PSG6: variants seen among roughly 807,000 people sequenced by gnomAD.
PSG6 encodes pregnancy specific beta-1-glycoprotein 6.
PSG6 carries 51 observed loss-of-function variants against 43.3 expected under a neutral mutation model. The observed-to-expected ratio is 1.18, with a 90% CI of 0.94 to 1.49. The LOEUF (loss-of-function observed/expected upper bound fraction) is 1.49. Ranked by LOEUF, PSG6 falls within the 40% of genes most tolerant of loss-of-function variation. The probability of loss-of-function intolerance (pLI) is 0.00; values close to 1 mark genes in which losing one functional copy is unlikely to be tolerated. For synonymous variants in PSG6, 292 were observed against 197.6 expected (o/e 1.48, Z -4.01); for missense variants, 770 against 522.2 (o/e 1.47, Z -4.62).
chr19:42,910,223 A>T, intron 3 of PSG6: 1 of 439,830 alleles, frequency 2.3e-6, no homozygotes, highest in Non-Finnish European at 4.2e-6. Context: ...AGGGAAGGGA[A>T]AATCCTGGTC....
chr19:42,906,942 G>T lies in PSG6; in HGVS notation c.1220C>A (p.Ser407Tyr). The T allele has an allele frequency of 6.2e-7, 1 of 1,612,324 alleles. No homozygotes were observed. Among genetic ancestry groups the T allele is most frequent in the Non-Finnish European group, 8.5e-7 (1 of 1,179,076 alleles). Residue 407 changes from serine to tyrosine, a missense_variant, in exon 5 of 6, where the codon TCC becomes TAC. Transcript: ENST00000187910. ...NSATGKEISK[S>Y]MIVKVSGPCH... is the part of the protein sequence containing the mutation. ...CTTACCAGAGACTTTGACTATCATG[G>T]ATTTGGAGATTTCCTTGCCAGTGGC...
intron 2 of PSG6, among the ~76,000 whole-genome samples, chr19:42,911,543 G>A (rs1306785669): frequency 6.6e-6 from 1 of 151,820 alleles, no homozygotes; most frequent in East Asian, 1.9e-4. Flanking sequence ...AAAGGGACAG[G>A]CAAGAGCTGA....
rs1422129823 is a variant in PSG6 at position 42,916,377 on chromosome 19, G to T, written c.175C>A (p.Pro59Thr). ...CAGATGTAGCCAGTAAGATTCTGGG[G>T]CAAATTGTGGACAAGTAGAAGAACA... ...KDVLLLVHNL[P>T]QNLTGYIWYK... Residue 59 changes from proline (P) to threonine (T), a missense_variant, in exon 2 of 6, where the codon CCC (proline) becomes ACC (threonine). Pro to Thr is a conservative substitution (Grantham distance 38, BLOSUM62 -1). Transcript: ENST00000187910. 6.2e-7 allele frequency: 1 copy of T among 1,612,176 alleles called. No individual in the cohort carries two copies. The highest frequency in any genetic ancestry group is 1.7e-5 in the Admixed American group (1 of 59,890).
chr19:42,907,322 C>A, intron 4 of PSG6, 146 bp from the exon 5 acceptor site: 1 of 1,470,938 alleles, frequency 6.8e-7, no homozygotes, highest in Non-Finnish European at 9.1e-7. Flanking sequence ...AAGCCCAAGC[C>A]TGAGGTATTC....
intron 5 of PSG6, among the ~76,000 whole-genome samples, chr19:42,906,153 T>C (rs1972108068): frequency 6.6e-6 from 1 of 151,656 alleles, no homozygotes; most frequent in African/African-American, 2.4e-5. Context: ...AATCTCCCTA[T>C]TTCTCTAGCT....
Position 42,909,273 on chromosome 19 carries a change from T to C in PSG6, c.706+1307A>G, listed in dbSNP as rs560629636. On this transcript the variant is annotated intron_variant, in intron 3 of 5. Coordinates refer to ENST00000187910, the MANE Select transcript of PSG6 (RefSeq NM_001031850.4). ...TCGGTGAATTCCATAGTGGCCATGC[T>C]GCACTCGTATATTTTTGAAGGCTTT... Among the ~76,000 whole-genome samples the C allele has an allele frequency of 6.3e-4, 95 of 151,636 alleles. 3 individuals are homozygous for C. Among genetic ancestry groups the C allele is most frequent in the Admixed American group, 7.3e-4 (11 of 15,168 alleles).
At chr19:42,903,181 G>C (rs1007277370) in intron 5 of PSG6, among the ~76,000 whole-genome samples, 10 of 151,570 alleles carry the variant, frequency 6.6e-5, no homozygotes, top group Non-Finnish European at 1.5e-5. Flanking sequence ...GCTGACATTG[G>C]TTCCTCTTTG....
chr19:42,914,654 G>C (rs968559004), intron 2 of PSG6, among the ~76,000 whole-genome samples: 1 of 151,442 alleles, frequency 6.6e-6, no homozygotes, highest in African/African-American at 2.4e-5. Context: ...TGAAGGACAA[G>C]GGACAGGTGT....
rs766513091 is a variant in PSG6, at chr19:42,916,202, C to A, written c.350G>T (p.Gly117Val). 34 of 1,612,092 alleles carry A rather than the reference C, an allele frequency of 2.1e-5. 1 individual carries two copies. In the African/African-American group the frequency reaches 2.7e-4, roughly 13 times the overall value. Residue 117 changes from glycine (G) to valine (V), a missense_variant, in exon 2 of 6, where the codon GGA (glycine) becomes GTA (valine). Coordinates refer to ENST00000187910, the MANE Select transcript of PSG6 (RefSeq NM_001031850.4). ...CTTTATGATGTGTAAGGTGTAGGAT[C>A]CTGCATCCTCCTGTGTGACATTCTG... ...LIQNVTQEDA[G>V]SYTLHIIKRG...
chr19:42,917,133 T>C (rs563296869), intron 1 of PSG6, among the ~76,000 whole-genome samples: 1 of 151,444 alleles, frequency 6.6e-6, no homozygotes, highest in East Asian at 2.0e-4. Flanking sequence ...ATGCCCTGGT[T>C]ACATTTTTAT....
intron 2 of PSG6, among the ~76,000 whole-genome samples, chr19:42,911,273 C>T (rs921475240): frequency 1.3e-5 from 2 of 151,562 alleles, no homozygotes; most frequent in African/African-American, 2.4e-5. Flanking sequence ...CATCAGCTTC[C>T]CTTGCCAAGG....
In PSG6 at chr19:42,907,893, T is replaced by C. The variant is rs372965628; in HGVS notation, c.707-39A>G. The C allele has an allele frequency of 3.5e-4, 562 of 1,603,704 alleles. 13 individuals carry two copies. Among genetic ancestry groups the C allele is most frequent in the Non-Finnish European group, 4.7e-4 (554 of 1,173,720 alleles). On this transcript the variant is annotated intron_variant, in intron 3 of 5. Coordinates refer to ENST00000187910, the MANE Select transcript of PSG6 (RefSeq NM_001031850.4). Reference sequence around the variant, plus strand: ...AGAAGATTGTCCTGTGTGGCACCTTTGATTCCTCCACAGGCATCCTTCATT... The same window carrying C: ...AGAAGATTGTCCTGTGTGGCACCTTCGATTCCTCCACAGGCATCCTTCATT...
chr19:42,917,837 G>T lies in PSG6; in HGVS notation c.-45C>A, dbSNP rs1479685559. Reference sequence around the variant, plus strand: ...TTCTCCCCTGTGGAGATGAGCCTAGGATCCAGAGACTTCCTGAGCAGGGCT... The same window carrying T: ...TTCTCCCCTGTGGAGATGAGCCTAGTATCCAGAGACTTCCTGAGCAGGGCT... On this transcript the variant is annotated 5_prime_UTR_variant, in exon 1 of 6. Transcript: ENST00000187910. The T allele has an allele frequency of 1.3e-6, 2 of 1,592,776 alleles. No individual in the cohort carries two copies. Among genetic ancestry groups the T allele is most frequent in the Non-Finnish European group, 1.7e-6 (2 of 1,167,494 alleles).
At chr19:42,906,569 A>G (rs1007813200) in intron 5 of PSG6, 88 of 1,324,640 alleles carry the variant, frequency 6.6e-5, no homozygotes, top group Non-Finnish European at 7.7e-5. Context: ...TAGGTACAAG[A>G]AAACAAAGAC....
At position 42,916,111 on chromosome 19, in the gene PSG6, G is replaced by A; in HGVS notation, c.427+14C>T. 2 of 1,609,634 alleles carry A rather than the reference G, an allele frequency of 1.2e-6. No individual in the cohort carries two copies. Among genetic ancestry groups the A allele is most frequent in the Non-Finnish European group, 1.7e-6 (2 of 1,177,958 alleles). On this transcript the variant is annotated intron_variant, in intron 2 of 5. Coordinates refer to ENST00000187910, the MANE Select transcript of PSG6 (RefSeq NM_001031850.4). ...CTGCCCCCCAACACCCAGGGATCAT[G>A]CGGAATCACTCACAGTATAAGGTGA...
rs182109917 is a variant in PSG6, at chr19:42,912,866, T to C, written c.428-2008A>G. ...TGGCACAGGCAGTAAAACCATGAGA[T>C]AGGACCTACCTGGCCACCTCCATCT... is the stretch of plus-strand genomic sequence containing the variant. On this transcript the variant is annotated intron_variant, in intron 2 of 5. Transcript: ENST00000187910. Among the ~76,000 whole-genome samples the C allele has an allele frequency of 2.6e-3, 400 of 151,748 alleles. 7 individuals are homozygous for C. Among genetic ancestry groups the C allele is most frequent in the Non-Finnish European group, 4.2e-3 (284 of 67,892 alleles).
chr19:42,917,314 C>T (rs1212604340), intron 1 of PSG6, among the ~76,000 whole-genome samples: 1 of 150,870 alleles, frequency 6.6e-6, no homozygotes, highest in African/African-American at 2.4e-5. Context: ...TTCCCCTATC[C>T]AGGCTCCAAC....
chr19:42,906,245 T>C (rs986215834), intron 5 of PSG6, among the ~76,000 whole-genome samples: 3 of 151,584 alleles, frequency 2.0e-5, no homozygotes, highest in East Asian at 3.9e-4. Context: ...AGAGCCAGGA[T>C]GCAGCTCAGG....
chr19:42,913,186 C>T (rs917327905), intron 2 of PSG6, among the ~76,000 whole-genome samples: 2 of 151,384 alleles, frequency 1.3e-5, no homozygotes, highest in African/African-American at 2.4e-5. Flanking sequence ...GACAGAGTCT[C>T]GCTCTGTCAC....
Sources: allele counts gnomAD v4.1 joint callset (sites outside exome capture counted in the v4.1 genomes callset), GRCh38; gene constraint gnomAD v4.1.1; transcripts MANE v1.5; gene names NCBI Gene and HGNC (gene_info 2026-07-23, HGNC 2026-07-21).